Variants in DOCK9 observed in about 807,000 individuals in gnomAD.
DOCK9 encodes the protein dedicator of cytokinesis protein 9.
DOCK9 carries 89 observed loss-of-function variants against 263.3 expected under a neutral mutation model. The ratio of observed to expected loss-of-function variants is 0.34; its 90% CI spans 0.28 to 0.40. DOCK9 has a LOEUF of 0.40. DOCK9 is among the 10% of genes least tolerant of loss of function. The pLI, the probability that DOCK9 is intolerant of heterozygous loss-of-function variation, is 1.00. For synonymous variants in DOCK9, 976 were observed against 973.1 expected, an observed-to-expected ratio of 1.00 and a Z score of -0.06; for missense variants, 2,140 against 2,603.4, an observed-to-expected ratio of 0.82 and a Z score of 3.87.
chr13:99,024,178 C>A (rs543600663), intron 1 of DOCK9, among the ~76,000 whole-genome samples: 1 of 152,290 alleles, frequency 6.6e-6, no homozygotes, highest in South Asian at 2.1e-4. Context: ...TTGGCAAAGC[C>A]GTCTAGCATC....
intron 1 of DOCK9, among the ~76,000 whole-genome samples, chr13:99,005,928 G>A (rs1251658609): frequency 6.6e-6 from 1 of 152,180 alleles, no homozygotes; most frequent in Non-Finnish European, 1.5e-5. Context: ...ACCCTGAGGG[G>A]AAAAGACAAA....
At chr13:98,868,899 A>T (rs2094118661) in intron 27 of DOCK9, among the ~76,000 whole-genome samples, 1 of 152,234 alleles carries the variant, frequency 6.6e-6, no homozygotes, top group Non-Finnish European at 1.5e-5. Context: ...CTCAAACTTC[A>T]GCGTAATAAA....
intron 18 of DOCK9, 38 bp from the exon 19 acceptor site, chr13:98,886,662 G>A (rs764491889): frequency 2.9e-5 from 45 of 1,568,554 alleles, no homozygotes; most frequent in Admixed American, 1.2e-4. Context: ...ATCACGGTTC[G>A]ATTAAGTAAG....
At chr13:98,826,770 C>T in intron 44 of DOCK9, 60 bp downstream of exon 44, 2 of 1,367,750 alleles carry the variant, frequency 1.5e-6, no homozygotes, top group Non-Finnish European at 2.0e-6. Context: ...TCTCACTTGT[C>T]TGCTGCTTTG....
At chr13:98,925,995 T>G (rs1304052313) in intron 3 of DOCK9, 76 bp from the exon 4 acceptor site, 2 of 1,256,034 alleles carry the variant, frequency 1.6e-6, no homozygotes, top group African/African-American at 1.5e-5. Context: ...TGGGAAAGTT[T>G]GTGAAGGCAT....
chr13:99,009,046 T>C (rs1884003538), intron 1 of DOCK9, among the ~76,000 whole-genome samples: 2 of 152,270 alleles, frequency 1.3e-5, no homozygotes, highest in Admixed American at 1.3e-4. Flanking sequence ...AGCAGTTGTC[T>C]CTGTGTTCCT....
At chr13:98,794,973 C>T (rs1407159458) in intron 52 of DOCK9, among the ~76,000 whole-genome samples, 3 of 152,314 alleles carry the variant, frequency 2.0e-5, no homozygotes, top group Admixed American at 6.5e-5. Flanking sequence ...CACTCCATCA[C>T]GTGAGTGATG....
chr13:98,926,691 C>A (rs2053028046), intron 3 of DOCK9, among the ~76,000 whole-genome samples: 1 of 152,182 alleles, frequency 6.6e-6, no homozygotes, highest in South Asian at 2.1e-4. Context: ...GAGTCAAAAT[C>A]AAAAGCTAAA....
intron 1 of DOCK9, among the ~76,000 whole-genome samples, chr13:99,053,146 C>T (rs2142223913): frequency 6.6e-6 from 1 of 152,300 alleles, no homozygotes; most frequent in South Asian, 2.1e-4. Context: ...TGCGCCCTCT[C>T]CCAGCTGCCA....
At chr13:99,008,202 CTCTCTCTCT>C (rs1883711111) in intron 1 of DOCK9, among the ~76,000 whole-genome samples, 1 of 79,954 alleles carries the variant, frequency 1.3e-5, no homozygotes, top group South Asian at 6.5e-4. Context: ...CTCTCTCTCT[CTCTCTCTCT>C]CTATATATAT....
intron 15 of DOCK9, among the ~76,000 whole-genome samples, chr13:98,893,057 T>G (rs1161836623): frequency 6.6e-6 from 1 of 152,140 alleles, no homozygotes; most frequent in African/African-American, 2.4e-5. Context: ...TGTTTGTGAT[T>G]TATGTGCTGC....
intron 1 of DOCK9, among the ~76,000 whole-genome samples, chr13:98,967,098 A>T (rs2059286367): frequency 1.3e-5 from 2 of 152,246 alleles, no homozygotes; most frequent in Non-Finnish European, 2.9e-5. Flanking sequence ...ATTAAAACGT[A>T]TTCTCAAAAA....
intron 1 of DOCK9, among the ~76,000 whole-genome samples, chr13:99,046,153 G>T (rs1357675531): frequency 2.0e-5 from 3 of 151,740 alleles, no homozygotes; most frequent in African/African-American, 7.3e-5. Flanking sequence ...AGACAACCAG[G>T]AAATATCTTA....
chr13:98,896,912 A>G (rs2047525611), intron 15 of DOCK9, among the ~76,000 whole-genome samples: 1 of 152,238 alleles, frequency 6.6e-6, no homozygotes, highest in Admixed American at 6.5e-5. Context: ...AGATGAGGTC[A>G]CTAGGCTTGG....
In DOCK9 at chr13:99,028,402, C is replaced by T. The variant is rs542016569; in HGVS notation, c.129+57821G>A. 2.4e-4 allele frequency among the ~76,000 whole-genome samples: 36 copies of T among 152,216 alleles called. 1 individual carries two copies. The Middle Eastern group carries it at 0.01, about 43-fold the overall frequency. On this transcript the variant is annotated intron_variant, in intron 1 of 32. Coordinates refer to the DOCK9 transcript ENST00000427887. ...CACAGCAATCCAAAAAAAGGCAGGA[C>T]CACTGAGAATTCAGACCTTCAGGTA...
intron 2 of DOCK9, among the ~76,000 whole-genome samples, chr13:98,951,205 A>T (rs2057372189): frequency 6.6e-6 from 1 of 152,198 alleles, no homozygotes; most frequent in African/African-American, 2.4e-5. Flanking sequence ...ACTAGGAAAA[A>T]ATACTCCTCT....
chr13:99,056,731 A>G (rs2040940906), intron 1 of DOCK9, among the ~76,000 whole-genome samples: 1 of 152,034 alleles, frequency 6.6e-6, no homozygotes, highest in Admixed American at 6.5e-5. Context: ...TGTTTTTCTG[A>G]GATGTCCTCT....
At chr13:98,946,378 A>T (rs1375777802) in intron 2 of DOCK9, among the ~76,000 whole-genome samples, 1 of 150,216 alleles carries the variant, frequency 6.7e-6, no homozygotes, top group Non-Finnish European at 1.5e-5. Context: ...GTGAGACTTG[A>T]CTCCCCCTGC....
chr13:99,056,549 C>T (rs996673462), intron 1 of DOCK9, among the ~76,000 whole-genome samples: 9 of 152,168 alleles, frequency 5.9e-5, no homozygotes, highest in African/African-American at 9.7e-5. Context: ...AACCAGCTCC[C>T]AGTCACCCAG....
Sources: gnomAD v4.1 joint callset for allele counts (sites outside exome capture counted in the v4.1 genomes callset) on GRCh38, gnomAD v4.1.1 for gene constraint, MANE v1.5 for transcripts, NCBI Gene and HGNC (gene_info 2026-07-23, HGNC 2026-07-21) for gene names.